CARM1: variants seen among roughly 807,000 people sequenced by gnomAD.
CARM1 encodes histone-arginine methyltransferase CARM1.
In CARM1, 14 loss-of-function variants were observed where a neutral mutation model predicts 72.7. That is an observed-to-expected ratio of 0.19 (90% confidence interval 0.13 to 0.30). CARM1 has a LOEUF of 0.30. CARM1 is among the 10% of genes least tolerant of loss of function. The pLI is 1.00. For missense variants in CARM1, 432 were observed against 833.7 expected, an observed-to-expected ratio of 0.52 and a Z score of 5.93; for synonymous variants, 333 against 345.5, an observed-to-expected ratio of 0.96 and a Z score of 0.40.
At chr19:10,918,705 C>G (rs538389582) in intron 8 of CARM1, among the ~76,000 whole-genome samples, 1 of 152,144 alleles carries the variant, frequency 6.6e-6, no homozygotes, top group South Asian at 2.1e-4. Context: ...GCCTTGGTAA[C>G]CCTGAGCTCC....
intron 1 of CARM1, among the ~76,000 whole-genome samples, chr19:10,901,713 G>A (rs571403863): frequency 9.2e-5 from 14 of 151,736 alleles, no homozygotes; most frequent in African/African-American, 2.2e-4. Context: ...ATGCCGAGGC[G>A]GACAGATCAC....
At chr19:10,880,513 A>ATTT (rs34015668) in intron 1 of CARM1, among the ~76,000 whole-genome samples, 31 of 136,250 alleles carry the variant, frequency 2.3e-4, no homozygotes, top group Non-Finnish European at 3.1e-4. Context: ...TGCCTGGCTA[A>ATTT]TTTTTTTTTT....
chr19:10,919,825 C>T, intron 9 of CARM1, 52 bp from the exon 10 acceptor site: 1 of 1,536,444 alleles, frequency 6.5e-7, no homozygotes. Context: ...CCTCTTCTCT[C>T]TCGGCAGCGC....
At chr19:10,910,887 TTC>T (rs2074144976) in intron 4 of CARM1, among the ~76,000 whole-genome samples, 1 of 151,492 alleles carries the variant, frequency 6.6e-6, no homozygotes, top group Non-Finnish European at 1.5e-5. Flanking sequence ...TGTTTTCTCT[TTC>T]TGTTTTTGGG....
chr19:10,892,444 G>A (rs2073994982), intron 1 of CARM1, among the ~76,000 whole-genome samples: 1 of 152,228 alleles, frequency 6.6e-6, no homozygotes, highest in Non-Finnish European at 1.5e-5. Flanking sequence ...TGACCTCATG[G>A]TCCTCAGATA....
chr19:10,919,959 G>A lies in CARM1; in HGVS notation c.1189G>A (p.Gly397Ser). Residue 397 changes from glycine to serine, a missense_variant, in exon 10 of 16, where the codon GGC (glycine) becomes AGC (serine). This residue lies in a region of CARM1 where 152 missense variants were observed against 452.8 expected (regional missense o/e 0.34). Coordinates refer to ENST00000327064, the MANE Select transcript of CARM1 (RefSeq NM_199141.2). Reference sequence around the variant, plus strand: ...TTTCTGGTTTGACGTTGCTTTCATCGGCTCCATGTGAGTGCCGCAGAGCAG... The same window carrying A: ...TTTCTGGTTTGACGTTGCTTTCATCAGCTCCATGTGAGTGCCGCAGAGCAG... ...LAFWFDVAFIGSIMTVWLSTA... is the reference protein window; with the variant it reads ...LAFWFDVAFISSIMTVWLSTA... 2 of 1,613,444 alleles carry A rather than the reference G, an allele frequency of 1.2e-6. No homozygotes were observed. The highest frequency in any genetic ancestry group is 1.7e-6 in the Non-Finnish European group (2 of 1,179,542).
chr19:10,893,037 G>A (rs1302976897), intron 1 of CARM1, among the ~76,000 whole-genome samples: 3 of 149,974 alleles, frequency 2.0e-5, no homozygotes, highest in African/African-American at 7.4e-5. Flanking sequence ...TCCCGGCCCT[G>A]CCCATTTTAT....
chr19:10,910,767 T>C lies in CARM1; in HGVS notation c.559-1417T>C, dbSNP rs560095412. Among the ~76,000 whole-genome samples the C allele has an allele frequency of 5.0e-3, 754 of 152,050 alleles. 3 individuals carry two copies. Among genetic ancestry groups the C allele is most frequent in the Middle Eastern group, 0.01 (3 of 294 alleles). ...TTTTGGTAGAGACAGGGTTTCACCA[T>C]GTTGGCCAGGATGGTCTAGATCTCT... is the stretch of plus-strand genomic sequence containing the variant. On this transcript the variant is annotated intron_variant, in intron 4 of 15. Coordinates refer to ENST00000327064, the MANE Select transcript of CARM1 (RefSeq NM_199141.2).
chr19:10,871,589 AGCGGCGGCGGCGGCGGCGGCG>A lies in CARM1; in HGVS notation c.-84_-64del, dbSNP rs1184781686. ...CGGCGGCTGCGGCGGCGGTAGCGGC[AGCGGCGGCGGCGGCGGCGGCG>A]GCGGCGGCGGCGGCGGCGGCGGCGG... On this transcript the variant is annotated 5_prime_UTR_variant, in exon 1 of 16. Coordinates refer to ENST00000327064, the MANE Select transcript of CARM1 (RefSeq NM_199141.2). The surrounding 1 kb of genome is among the most constrained non-coding windows in gnomAD (Gnocchi z 5.6). 1.8e-3 allele frequency: 206 copies of A among 117,084 alleles called. 2 individuals carry two copies. The highest frequency in any genetic ancestry group is 5.4e-3 in the Middle Eastern group (1 of 186). The allele number at this position is 117,084 out of a possible 1,614,324, so 7.3% of individuals were successfully genotyped here.
intron 1 of CARM1, among the ~76,000 whole-genome samples, chr19:10,891,433 TGG>T (rs2073986894): frequency 1.3e-5 from 2 of 152,124 alleles, no homozygotes; most frequent in Non-Finnish European, 2.9e-5. Flanking sequence ...CCGATGCCCT[TGG>T]GCTGACTGCC....
intron 1 of CARM1, among the ~76,000 whole-genome samples, chr19:10,873,641 T>G (rs2073838412): frequency 1.6e-5 from 2 of 123,500 alleles, no homozygotes; most frequent in African/African-American, 3.1e-5. Context: ...TTTTTTTTTT[T>G]TTTTTTTTTT....
In CARM1 at chr19:10,920,344, G is replaced by C; in HGVS notation, c.1197-92G>C. On this transcript the variant is annotated intron_variant, in intron 10 of 15. Coordinates refer to ENST00000327064, the MANE Select transcript of CARM1 (RefSeq NM_199141.2). This position sits in a 1 kb window ranked among gnomAD's most constrained non-coding sequence, Gnocchi z 5.3. ...GTCCCAGGGGTCCCTGGCAGAGGGG[G>C]CAGGTGCTTGGGGAGGACTCAAGGC... 1 of 1,446,572 alleles carries C rather than the reference G, an allele frequency of 6.9e-7. No homozygotes were observed. Among genetic ancestry groups the C allele is most frequent in the Non-Finnish European group, 9.4e-7 (1 of 1,067,982 alleles). 89.6% of individuals were successfully genotyped at this position (1,446,572 alleles called of 1,614,324 possible).
intron 1 of CARM1, 128 bp downstream of exon 1, chr19:10,872,050 GCCTGCA>G: frequency 1.2e-6 from 1 of 801,564 alleles, no homozygotes; most frequent in East Asian, 4.5e-5. Flanking sequence ...TGAGCCGGTG[GCCTGCA>G]GGGAGCGACC....
intron 1 of CARM1, among the ~76,000 whole-genome samples, chr19:10,902,911 A>C (rs1013377968): frequency 1.3e-5 from 2 of 152,132 alleles, no homozygotes; most frequent in Non-Finnish European, 2.9e-5. Context: ...ACCCTAAAAT[A>C]GTTTTTTATA....
At chr19:10,877,883 A>G (rs1431201157) in intron 1 of CARM1, among the ~76,000 whole-genome samples, 46 of 152,142 alleles carry the variant, frequency 3.0e-4, no homozygotes, top group Non-Finnish European at 1.6e-4. Context: ...ACATGCCGCC[A>G]TGCCCAGCTA....
rs969798779 is a variant in CARM1 at position 10,901,441 on chromosome 19, C to T, written c.221-3510C>T. ...AAGCAATCCTTCCACCTCAGCCTCC[C>T]GAGTAGCTGGGATCTCAGGCATGCA... On this transcript the variant is annotated intron_variant, in intron 1 of 15. Transcript: ENST00000327064. Among the ~76,000 whole-genome samples the T allele has an allele frequency of 3.9e-5, 6 of 152,006 alleles. No individual in the cohort carries two copies. The South Asian group carries it at 6.2e-4, about 16-fold the overall frequency.
intron 1 of CARM1, among the ~76,000 whole-genome samples, chr19:10,881,384 G>A (rs1175729920): frequency 6.6e-6 from 1 of 152,200 alleles, no homozygotes; most frequent in Non-Finnish European, 1.5e-5. Flanking sequence ...GTTCCTGGAG[G>A]ACAGCACCTG....
At chr19:10,893,156 GC>G (rs201683071) in intron 1 of CARM1, among the ~76,000 whole-genome samples, 2,422 of 151,882 alleles carry the variant, frequency 0.016, 32 homozygotes, top group Middle Eastern at 0.024. Flanking sequence ...TCCTGCCTTA[GC>G]CTCCCGAGTT....
chr19:10,873,919 A>G (rs553326828), intron 1 of CARM1, among the ~76,000 whole-genome samples: 36 of 152,162 alleles, frequency 2.4e-4, no homozygotes, highest in Middle Eastern at 3.4e-3. Flanking sequence ...GATTACAGGC[A>G]TGAGCCACCC....
Sources: gnomAD v4.1 joint callset for allele counts (sites outside exome capture counted in the v4.1 genomes callset) on GRCh38, gnomAD v4.1.1 for gene constraint, gnomAD v4.1.1 regional missense constraint, Gnocchi (gnomAD v3.1) non-coding constraint, MANE v1.5 for transcripts, NCBI Gene and HGNC (gene_info 2026-07-23, HGNC 2026-07-21) for gene names.